The following NOX4 variants were observed in gnomAD, a reference collection of about 807,000 sequenced individuals.
NOX4 encodes the protein NADPH oxidase 4, also known as kidney oxidase-1.
A neutral mutation model predicts 87.6 loss-of-function variants in NOX4; 69 were observed. The observed-to-expected ratio is 0.79, with a 90% CI of 0.65 to 0.96. The LOEUF (loss-of-function observed/expected upper bound fraction) is 0.96, where lower values mean the gene tolerates loss of function less well. Among genes scored for constraint, NOX4 ranks in the 40% least tolerant of loss-of-function variants. NOX4 has a pLI of 0.00. For missense variants in NOX4, 680 were observed against 681.5 expected (o/e 1.00, Z 0.02); for synonymous variants, 275 against 238.2 (o/e 1.15, Z -1.42).
chr11:89,377,862 C>T (rs192543073), intron 11 of NOX4, among the ~76,000 whole-genome samples: 57 of 152,208 alleles, frequency 3.7e-4, no homozygotes, highest in African/African-American at 1.3e-3. Context: ...ATATTTTCTA[C>T]TGCATGTTAG....
chr11:89,458,645 C>T (rs1395668783), intron 2 of NOX4, among the ~76,000 whole-genome samples: 1 of 151,984 alleles, frequency 6.6e-6, no homozygotes, highest in East Asian at 1.9e-4. Flanking sequence ...GGGGTAAGAA[C>T]ATCAAAAGAC....
At chr11:89,440,761 A>G (rs1944422270) in intron 5 of NOX4, 46 bp from the exon 6 acceptor site, 2 of 1,093,580 alleles carry the variant, frequency 1.8e-6, no homozygotes, top group East Asian at 5.1e-5. Flanking sequence ...TAAAGCACTG[A>G]TGATATATAA....
chr11:89,425,100 G>A (rs1943303840), intron 7 of NOX4, among the ~76,000 whole-genome samples: 2 of 151,950 alleles, frequency 1.3e-5, no homozygotes, highest in African/African-American at 4.8e-5. Flanking sequence ...ATACCTCAAG[G>A]ATTTTAAAAT....
the NOX4 span, among the ~76,000 whole-genome samples, chr11:89,587,797 C>T: frequency 6.6e-6 from 1 of 151,838 alleles, no homozygotes; most frequent in Admixed American, 6.6e-5. Context: ...AATTTTCATC[C>T]TTTGTTTTTA....
intron 6 of NOX4, among the ~76,000 whole-genome samples, chr11:89,439,013 A>C (rs1462340826): frequency 8.7e-6 from 1 of 114,948 alleles, no homozygotes; most frequent in Non-Finnish European, 1.7e-5. Flanking sequence ...TAGTAATATT[A>C]GTATAATCAT....
chr11:89,460,598 C>A (rs1945414988), intron 2 of NOX4, among the ~76,000 whole-genome samples: 1 of 152,122 alleles, frequency 6.6e-6, no homozygotes. Flanking sequence ...CAAATCAAAA[C>A]CACAATGAGA....
At chr11:89,344,441 T>A (rs1373129493) in intron 13 of NOX4, among the ~76,000 whole-genome samples, 1 of 152,036 alleles carries the variant, frequency 6.6e-6, no homozygotes, top group African/African-American at 2.4e-5. Context: ...TCCCAGGTAC[T>A]AGGGAGGCTG....
rs577068209 is a variant in NOX4 at position 89,364,540 on chromosome 11, T to A, written c.1135+8892A>T. ...ATAAAAAACAGAACTTTATACTGTC[T>A]TACATAAGGGGAAAAAAATCCCTAA... On this transcript the variant is annotated intron_variant, in intron 12 of 17. Transcript: ENST00000263317. Among the ~76,000 whole-genome samples the A allele has an allele frequency of 4.6e-5, 7 of 152,138 alleles. No homozygotes were observed. The East Asian group carries it at 1.4e-3, about 30-fold the overall frequency.
At chr11:89,580,092 T>C in the NOX4 span, among the ~76,000 whole-genome samples, 1 of 152,200 alleles carries the variant, frequency 6.6e-6, no homozygotes, top group Admixed American at 6.5e-5. Context: ...GGGTTTTGTG[T>C]AAGAGCTTGA....
At chr11:89,393,921 G>A (rs576154255) in intron 11 of NOX4, among the ~76,000 whole-genome samples, 9 of 152,156 alleles carry the variant, frequency 5.9e-5, no homozygotes, top group South Asian at 4.1e-4. Flanking sequence ...TTTCTCAGTC[G>A]TCTTCTACCT....
At chr11:89,484,947 G>T (rs1031871787) in intron 2 of NOX4, among the ~76,000 whole-genome samples, 3 of 152,134 alleles carry the variant, frequency 2.0e-5, no homozygotes, top group African/African-American at 7.2e-5. Context: ...TCTTCTGAAA[G>T]TAACAGGGAT....
chr11:89,490,350 A>G, intron 2 of NOX4, 108 bp downstream of exon 2: 1 of 749,674 alleles, frequency 1.3e-6, no homozygotes, highest in Middle Eastern at 2.8e-4. Context: ...AAAGGTTTTC[A>G]AAGTGAAGAG....
chr11:89,433,090 C>A (rs908468784), intron 6 of NOX4, among the ~76,000 whole-genome samples: 1 of 152,028 alleles, frequency 6.6e-6, no homozygotes, highest in South Asian at 2.1e-4. Flanking sequence ...GTGATGTTTC[C>A]ATACATATAA....
the NOX4 span, among the ~76,000 whole-genome samples, chr11:89,584,397 TG>T: frequency 6.6e-6 from 1 of 152,166 alleles, no homozygotes; most frequent in South Asian, 2.1e-4. Context: ...TTACCAGTTT[TG>T]CACCATAATC....
chr11:89,334,630 G>A (rs192561355), intron 17 of NOX4, among the ~76,000 whole-genome samples: 23 of 151,620 alleles, frequency 1.5e-4, no homozygotes, highest in African/African-American at 4.6e-4. Flanking sequence ...AAGCTGGCCT[G>A]TACATTTATA....
chr11:89,567,276 G>A, the NOX4 span, among the ~76,000 whole-genome samples: 12 of 152,084 alleles, frequency 7.9e-5, no homozygotes, highest in Non-Finnish European at 1.3e-4. Context: ...CCTAACCATC[G>A]GAGAGCTTTA....
chr11:89,571,575 G>A, the NOX4 span, among the ~76,000 whole-genome samples: 2 of 151,998 alleles, frequency 1.3e-5, no homozygotes, highest in African/African-American at 2.4e-5. Context: ...GATTACAGGC[G>A]TGAGCTACCG....
the NOX4 span, among the ~76,000 whole-genome samples, chr11:89,571,791 T>C: frequency 6.6e-6 from 1 of 151,960 alleles, no homozygotes; most frequent in African/African-American, 2.4e-5. Flanking sequence ...ATTGTATTCC[T>C]AAATAAGGTA....
At chr11:89,404,138 AT>A (rs1219063240) in intron 8 of NOX4, among the ~76,000 whole-genome samples, 3 of 152,146 alleles carry the variant, frequency 2.0e-5, no homozygotes, top group Non-Finnish European at 4.4e-5. Context: ...TTTGTCACTA[AT>A]CATTTATAAG....
Sources: gnomAD v4.1 joint callset for allele counts (sites outside exome capture counted in the v4.1 genomes callset) on GRCh38, gnomAD v4.1.1 for gene constraint, MANE v1.5 for transcripts, NCBI Gene and HGNC (gene_info 2026-07-23, HGNC 2026-07-21) for gene names.